The following MIS18BP1 variants were observed in gnomAD, a reference collection of about 807,000 sequenced individuals.
MIS18BP1 encodes the protein mis18-binding protein 1.
In MIS18BP1, 72 loss-of-function variants were observed where a neutral mutation model predicts 116.1. The observed-to-expected ratio is 0.62, with a 90% CI of 0.51 to 0.75. The LOEUF (loss-of-function observed/expected upper bound fraction) is 0.75, where lower values mean the gene tolerates loss of function less well. Among genes scored for constraint, MIS18BP1 ranks in the 30% least tolerant of loss-of-function variants. The pLI is 0.00. For synonymous variants in MIS18BP1, 386 were observed against 427.0 expected, an observed-to-expected ratio of 0.90 and a Z score of 1.18; for missense variants, 1,363 against 1,303.2, an observed-to-expected ratio of 1.05 and a Z score of -0.71.
Position 45,217,091 on chromosome 14 carries a change from A to C in MIS18BP1, c.2931T>G (p.Phe977Leu). The change falls in exon 13 of 17, where the codon TTT (phenylalanine) becomes TTG (leucine). Residue 977 changes from phenylalanine to leucine, a missense_variant. Physicochemically the swap from Phe to Leu is conservative, Grantham distance 22 (BLOSUM62 0). Coordinates refer to ENST00000310806, the MANE Select transcript of MIS18BP1 (RefSeq NM_018353.5). ...GGTCATCTTTTGGCAACTGTTCCAG[A>C]AATTCCCTCATCTGTTGCTTCCTTT... is the stretch of plus-strand genomic sequence containing the variant. ...TLKRKQQMRE[F>L]LEQLPKDDHD... The C allele has an allele frequency of 3.1e-6, 5 of 1,614,164 alleles. No individual in the cohort carries two copies. Among genetic ancestry groups the C allele is most frequent in the Non-Finnish European group, 3.4e-6 (4 of 1,180,004 alleles).
At chr14:45,232,415 T>TAAAA (rs1291844122) in intron 7 of MIS18BP1, 3 of 163,456 alleles carry the variant, frequency 1.8e-5, no homozygotes, top group East Asian at 2.9e-4. Flanking sequence ...AGATTCCATC[T>TAAAA]CAAAAAAAAA....
chr14:45,224,883 T>C, intron 10 of MIS18BP1, 137 bp from the exon 11 acceptor site: 1 of 661,448 alleles, frequency 1.5e-6, no homozygotes, highest in Admixed American at 3.3e-5. Flanking sequence ...ACCTGTCATA[T>C]TAATCTTTCT....
In MIS18BP1 at chr14:45,217,085, T is replaced by C; in HGVS notation, c.2937A>G (p.Glu979=). The part of the protein sequence containing the change: ...KRKQQMREFL[E]QLPKDDHDDF... ...CATCATGGTCATCTTTTGGCAACTG[T>C]TCCAGAAATTCCCTCATCTGTTGCT... The change falls in exon 13 of 17, where the codon GAA becomes GAG. Residue 979 remains glutamate (E), a synonymous_variant. Transcript: ENST00000310806. 6.2e-7 allele frequency: 1 copy of C among 1,614,160 alleles called. No homozygotes were observed. The highest frequency in any genetic ancestry group is 8.5e-7 in the Non-Finnish European group (1 of 1,180,004).
intron 8 of MIS18BP1, 102 bp downstream of exon 8, chr14:45,231,039 A>ATACTATACACATTAC: frequency 8.0e-7 from 1 of 1,248,678 alleles, no homozygotes; most frequent in Non-Finnish European, 1.1e-6. Flanking sequence ...AAAGAATACT[A>ATACTATACACATTAC]TACTATACAC....
intron 14 of MIS18BP1, chr14:45,210,110 GT>G (rs528816614): frequency 1.5e-3 from 352 of 232,528 alleles, no homozygotes; most frequent in Middle Eastern, 4.1e-3. Context: ...GGTTTCTTTA[GT>G]TTTTTTTTTT....
chr14:45,227,501 C>T (rs543641585), intron 9 of MIS18BP1, among the ~76,000 whole-genome samples, 162 bp downstream of exon 9: 3 of 150,456 alleles, frequency 2.0e-5, no homozygotes, highest in East Asian at 2.0e-4. Context: ...GCCGAGATCA[C>T]GCCACTGCAC....
chr14:45,232,721 A>G lies in MIS18BP1; in HGVS notation c.1436+12T>C, dbSNP rs1359328615. ...TAAAGTTGACTTCTAAAAACATAAA[A>G]CAACATTTTACCTTAATTGTTCCAG... On this transcript the variant is annotated intron_variant, in intron 7 of 16. Coordinates refer to ENST00000310806, the MANE Select transcript of MIS18BP1 (RefSeq NM_018353.5). 7.3e-7 allele frequency: 1 copy of G among 1,365,374 alleles called. No individual in the cohort carries two copies. The highest frequency in any genetic ancestry group is 1.5e-5 in the African/African-American group (1 of 68,330). 84.6% of individuals were successfully genotyped at this position (1,365,374 alleles called of 1,614,324 possible).
At chr14:45,236,855 G>A (rs1891442214) in intron 5 of MIS18BP1, among the ~76,000 whole-genome samples, 1 of 152,080 alleles carries the variant, frequency 6.6e-6, no homozygotes, top group Admixed American at 6.6e-5. Flanking sequence ...AGGTAATACA[G>A]ATAGTAGGCA....
At chr14:45,250,932 G>A (rs1403742449) in intron 1 of MIS18BP1, among the ~76,000 whole-genome samples, 1 of 151,912 alleles carries the variant, frequency 6.6e-6, no homozygotes, top group African/African-American at 2.4e-5. Context: ...AGCTACTTGG[G>A]AGGCTGAGGC....
At chr14:45,205,952 C>T (rs537769798) in intron 15 of MIS18BP1, 131 bp downstream of exon 15, 2 of 580,022 alleles carry the variant, frequency 3.4e-6, no homozygotes, top group East Asian at 6.1e-5. Context: ...TCATTCATGG[C>T]TTCATTATTG....
At chr14:45,214,531 C>G (rs556832235) in intron 13 of MIS18BP1, among the ~76,000 whole-genome samples, 3 of 152,054 alleles carry the variant, frequency 2.0e-5, no homozygotes, top group African/African-American at 7.2e-5. Context: ...CCAGGGGCGC[C>G]GCCCGGGGCC....
intron 13 of MIS18BP1, among the ~76,000 whole-genome samples, chr14:45,215,506 G>A (rs1234441221): frequency 2.6e-5 from 4 of 151,564 alleles, no homozygotes; most frequent in African/African-American, 9.7e-5. Flanking sequence ...TCTGCCTATG[G>A]GGTTCAAGTG....
At chr14:45,248,725 A>C (rs1891790444) in intron 1 of MIS18BP1, among the ~76,000 whole-genome samples, 1 of 152,194 alleles carries the variant, frequency 6.6e-6, no homozygotes, top group African/African-American at 2.4e-5. Context: ...AAGAAGGAAA[A>C]TATTCCTAAA....
At chr14:45,231,900 A>G (rs1368391161) in intron 7 of MIS18BP1, among the ~76,000 whole-genome samples, 3 of 152,202 alleles carry the variant, frequency 2.0e-5, no homozygotes, top group Non-Finnish European at 4.4e-5. Flanking sequence ...TCTGTAAAGT[A>G]GCAGACACTC....
At chr14:45,232,416 C>CAAAAAAAAAAAAAAAAAAA in intron 7 of MIS18BP1, 1 of 86,684 alleles carries the variant, frequency 1.2e-5, no homozygotes, top group Non-Finnish European at 2.4e-5. Context: ...GATTCCATCT[C>CAAAAAAAAAAAAAAAAAAA]AAAAAAAAAA....
In MIS18BP1 at chr14:45,242,120, T is replaced by C; in HGVS notation, c.1057A>G (p.Ile353Val). The C allele has an allele frequency of 6.2e-7, 1 of 1,614,116 alleles. No homozygotes were observed. Among genetic ancestry groups the C allele is most frequent in the East Asian group, 2.2e-5 (1 of 44,868 alleles). Residue 353 changes from isoleucine to valine, a missense_variant, in exon 4 of 17, where the codon ATA (isoleucine) becomes GTA (valine). By Grantham distance (29) the Ile-to-Val change is conservative. Coordinates refer to ENST00000310806, the MANE Select transcript of MIS18BP1 (RefSeq NM_018353.5). Reference sequence around the variant, plus strand: ...ATATTTCTTTTTGACCTCCGAGGTATTGTTATATGAAGTCTTGGTGTTGCA... The same window carrying C: ...ATATTTCTTTTTGACCTCCGAGGTACTGTTATATGAAGTCTTGGTGTTGCA... ...VLATPRLHITIPRRSKRNISK... is the reference protein window; with the variant it reads ...VLATPRLHITVPRRSKRNISK...
intron 2 of MIS18BP1, among the ~76,000 whole-genome samples, chr14:45,244,892 G>A (rs377135930): frequency 1.5e-4 from 23 of 152,266 alleles, no homozygotes; most frequent in Non-Finnish European, 2.9e-4. Context: ...AACCGCTAAT[G>A]ATGCATTAGA....
chr14:45,210,858 C>T (rs536222597), intron 13 of MIS18BP1, among the ~76,000 whole-genome samples: 1 of 152,290 alleles, frequency 6.6e-6, no homozygotes, highest in East Asian at 1.9e-4. Context: ...TAGGCAAATT[C>T]CCTATGGTAT....
intron 5 of MIS18BP1, 122 bp from the exon 6 acceptor site, chr14:45,236,066 T>C (rs899588183): frequency 5.5e-6 from 5 of 906,332 alleles, no homozygotes; most frequent in Admixed American, 6.1e-5. Context: ...TACAAAATAT[T>C]TGAAGGCCAA....
Sources: allele counts gnomAD v4.1 joint callset (sites outside exome capture counted in the v4.1 genomes callset), GRCh38; gene constraint gnomAD v4.1.1; transcripts MANE v1.5; gene names NCBI Gene and HGNC (gene_info 2026-07-23, HGNC 2026-07-21).